TASP1: variants seen among roughly 807,000 people sequenced by gnomAD.
TASP1 encodes the protein threonine aspartase 1.
In TASP1, 16 loss-of-function variants were observed where a neutral mutation model predicts 56.6. The ratio of observed to expected loss-of-function variants is 0.28; its 90% CI spans 0.19 to 0.43. The LOEUF is 0.43. TASP1 is among the 20% of genes least tolerant of loss of function. The pLI is 1.00. For missense variants in TASP1, 393 were observed against 511.6 expected (o/e 0.77, Z 2.24); for synonymous variants, 179 against 184.2 (o/e 0.97, Z 0.23).
intron 11 of TASP1, among the ~76,000 whole-genome samples, chr20:13,444,499 G>T (rs1030956844): frequency 6.6e-6 from 1 of 152,096 alleles, no homozygotes; most frequent in Non-Finnish European, 1.5e-5. Flanking sequence ...CTGGGGAAAC[G>T]ATGAATATTC....
the TASP1 span, among the ~76,000 whole-genome samples, chr20:13,110,635 C>T: frequency 1.7e-3 from 262 of 152,276 alleles, 1 homozygote; most frequent in African/African-American, 6.0e-3. Context: ...CGCCCAACCC[C>T]CAGCTGCTTG....
intron 4 of TASP1, among the ~76,000 whole-genome samples, chr20:13,617,728 C>A (rs954657234): frequency 6.6e-6 from 1 of 152,106 alleles, no homozygotes; most frequent in African/African-American, 2.4e-5. Flanking sequence ...TCCTTTTCTG[C>A]AATAAAAACC....
At chr20:13,342,131 A>C in the TASP1 span, among the ~76,000 whole-genome samples, 2 of 152,190 alleles carry the variant, frequency 1.3e-5, no homozygotes, top group Non-Finnish European at 2.9e-5. Context: ...AAGCCTAGGA[A>C]GACTCCGTGG....
At chr20:13,167,773 T>C in the TASP1 span, 1 of 152,206 alleles carries the variant, frequency 6.6e-6, no homozygotes, top group Admixed American at 6.5e-5. Context: ...CCCTAGGCCC[T>C]ACACCAGACC....
Position 13,550,185 on chromosome 20 carries a change from C to CACACAG in TASP1, c.675+8822_675+8823insCTGTGT, listed in dbSNP as rs1212360097. The stretch of plus-strand genomic sequence containing the variant: ...ACACACACACACACACACACACACA[C>CACACAG]AGAGACACTGCAATTGTCCAGTCAT... On this transcript the variant is annotated intron_variant, in intron 8 of 13. Coordinates refer to ENST00000337743, the MANE Select transcript of TASP1 (RefSeq NM_017714.3). Among the ~76,000 whole-genome samples the CACACAG allele has an allele frequency of 6.1e-5, 9 of 148,468 alleles. No individual in the cohort carries two copies. In the East Asian group the frequency reaches 6.1e-4, roughly 10 times the overall value.
chr20:13,467,229 C>CT (rs947846204), intron 11 of TASP1, among the ~76,000 whole-genome samples: 2 of 149,756 alleles, frequency 1.3e-5, no homozygotes, highest in African/African-American at 2.5e-5. Flanking sequence ...CACACAAATA[C>CT]TTTTTTTTCC....
chr20:13,315,764 T>G, the TASP1 span, among the ~76,000 whole-genome samples: 5 of 151,952 alleles, frequency 3.3e-5, no homozygotes, highest in Middle Eastern at 3.4e-3. Context: ...AAATACACCT[T>G]AAAAAATATA....
chr20:13,117,710 C>T, the TASP1 span: 1 of 1,611,354 alleles, frequency 6.2e-7, no homozygotes, highest in Admixed American at 1.7e-5. Context: ...CAGGAGGTTA[C>T]ATAGCTGGAA....
At chr20:13,586,654 A>C (rs914422699) in intron 5 of TASP1, among the ~76,000 whole-genome samples, 2 of 152,214 alleles carry the variant, frequency 1.3e-5, no homozygotes, top group African/African-American at 4.8e-5. Flanking sequence ...GAAGCTGTAC[A>C]CATAAAATAC....
At chr20:13,362,807 AAATATATATATATATATATATATATATAT>A in the TASP1 span, among the ~76,000 whole-genome samples, 4 of 106,624 alleles carry the variant, frequency 3.8e-5, no homozygotes, top group African/African-American at 1.6e-4. Flanking sequence ...AAATAGCAAG[AAATATATATATATATATATATATATATAT>A]ATTTGTCTCT....
At chr20:13,242,485 T>A in the TASP1 span, among the ~76,000 whole-genome samples, 52 of 152,062 alleles carry the variant, frequency 3.4e-4, no homozygotes, top group African/African-American at 1.2e-3. Flanking sequence ...GAGAGATTGA[T>A]TATCATGGAG....
At chr20:13,315,876 C>T in the TASP1 span, among the ~76,000 whole-genome samples, 10 of 151,960 alleles carry the variant, frequency 6.6e-5, no homozygotes, top group African/African-American at 2.4e-4. Flanking sequence ...ACAGATTACA[C>T]AACATACTTC....
intron 12 of TASP1, among the ~76,000 whole-genome samples, chr20:13,432,443 T>C (rs964027761): frequency 2.6e-5 from 4 of 152,228 alleles, no homozygotes; most frequent in East Asian, 1.9e-4. Flanking sequence ...TGTCCTTCTA[T>C]ACTGTTTGAA....
intron 7 of TASP1, among the ~76,000 whole-genome samples, chr20:13,568,621 A>T (rs775545479): frequency 6.6e-5 from 10 of 152,086 alleles, no homozygotes; most frequent in Non-Finnish European, 1.5e-4. Flanking sequence ...ATGATCATTT[A>T]TTTACTCATA....
intron 1 of TASP1, among the ~76,000 whole-genome samples, chr20:13,631,117 A>C (rs1238350725): frequency 6.6e-6 from 1 of 152,194 alleles, no homozygotes; most frequent in African/African-American, 2.4e-5. Context: ...TAACAGAGAT[A>C]GTCTGACAAG....
chr20:13,441,497 A>T (rs2043210919), intron 11 of TASP1, among the ~76,000 whole-genome samples: 1 of 152,190 alleles, frequency 6.6e-6, no homozygotes, highest in Non-Finnish European at 1.5e-5. Context: ...CTCTTTTGGT[A>T]AGGAGCTAAC....
chr20:13,153,939 G>A, the TASP1 span: 41,168 of 1,589,922 alleles, frequency 0.026, 601 homozygotes, highest in Middle Eastern at 0.038. Flanking sequence ...TTGCCAAGTT[G>A]ACCGGACCTT....
the TASP1 span, among the ~76,000 whole-genome samples, chr20:13,323,054 G>A: frequency 6.6e-6 from 1 of 151,702 alleles, no homozygotes; most frequent in Non-Finnish European, 1.5e-5. Context: ...CATACTCTGG[G>A]GGAAGACACC....
chr20:13,160,279 G>A, the TASP1 span: 1 of 957,330 alleles, frequency 1.0e-6, no homozygotes, highest in Non-Finnish European at 1.4e-6. Context: ...CAAAAAACAA[G>A]AGCTCGTCAA....
Sources: gnomAD v4.1 joint callset for allele counts (sites outside exome capture counted in the v4.1 genomes callset) on GRCh38, gnomAD v4.1.1 for gene constraint, MANE v1.5 for transcripts, NCBI Gene and HGNC (gene_info 2026-07-23, HGNC 2026-07-21) for gene names.